NDST4: variants seen among roughly 807,000 people sequenced by gnomAD.
NDST4 encodes N-deacetylase and N-sulfotransferase 4.
In NDST4, 63 loss-of-function variants were observed where a neutral mutation model predicts 100.8. The observed-to-expected ratio is 0.62, with a 90% CI of 0.51 to 0.77. The LOEUF (loss-of-function observed/expected upper bound fraction) is 0.77, where lower values mean the gene tolerates loss of function less well. Among genes scored for constraint, NDST4 ranks in the 30% least tolerant of loss-of-function variants. The pLI, the probability that NDST4 is intolerant of heterozygous loss-of-function variation, is 0.00. For synonymous variants in NDST4, 377 were observed against 361.8 expected (o/e 1.04, Z -0.48); for missense variants, 943 against 1,018.4 (o/e 0.93, Z 1.01).
At chr4:115,065,599 CATT>C (rs141482651) in intron 2 of NDST4, among the ~76,000 whole-genome samples, 6,289 of 152,018 alleles carry the variant, frequency 0.041, 434 homozygotes, top group African/African-American at 0.14. Context: ...AAGATACAAT[CATT>C]AGTATGATTG....
At chr4:114,891,666 T>C (rs1404943086) in intron 6 of NDST4, among the ~76,000 whole-genome samples, 1 of 152,140 alleles carries the variant, frequency 6.6e-6, no homozygotes, top group Non-Finnish European at 1.5e-5. Context: ...CTTCCATCTT[T>C]GTTCTAGAAC....
chr4:115,024,684 G>C (rs1560571276), intron 2 of NDST4, among the ~76,000 whole-genome samples: 1 of 152,072 alleles, frequency 6.6e-6, no homozygotes, highest in East Asian at 1.9e-4. Flanking sequence ...TTTTAAATTG[G>C]TGCTGGAAGG....
At chr4:114,886,163 C>A (rs1724472529) in intron 6 of NDST4, among the ~76,000 whole-genome samples, 1 of 151,974 alleles carries the variant, frequency 6.6e-6, no homozygotes, top group African/African-American at 2.4e-5. Context: ...AATATATTTG[C>A]CAAAGAAAAC....
intron 6 of NDST4, among the ~76,000 whole-genome samples, chr4:114,933,432 C>CTTTTTTTTTTTTTTTTTTTCCTTT (rs1725556113): frequency 4.5e-5 from 4 of 89,278 alleles, no homozygotes; most frequent in South Asian, 3.2e-4. Context: ...TTTTCTTTTC[C>CTTTTTTTTTTTTTTTTTTTCCTTT]TTTTTTTTTT....
chr4:114,846,867 C>A (rs1174167443), intron 9 of NDST4, among the ~76,000 whole-genome samples: 2 of 152,130 alleles, frequency 1.3e-5, no homozygotes, highest in Non-Finnish European at 2.9e-5. Flanking sequence ...TCCTGCTAAA[C>A]AATTTGTGTT....
intron 2 of NDST4, among the ~76,000 whole-genome samples, chr4:115,052,855 T>C (rs986954643): frequency 4.6e-5 from 7 of 152,144 alleles, no homozygotes; most frequent in Middle Eastern, 3.2e-3. Flanking sequence ...TGAGCCTAAT[T>C]ATTAAGTACC....
At chr4:115,043,537 G>A (rs1026997453) in intron 2 of NDST4, among the ~76,000 whole-genome samples, 9 of 152,048 alleles carry the variant, frequency 5.9e-5, no homozygotes, top group Non-Finnish European at 1.0e-4. Flanking sequence ...GAGTTACATA[G>A]AGGCATCATG....
chr4:114,961,981 T>A (rs1241030925), intron 4 of NDST4, among the ~76,000 whole-genome samples: 1 of 152,036 alleles, frequency 6.6e-6, no homozygotes, highest in African/African-American at 2.4e-5. Context: ...CAAAACTGAT[T>A]ATATGCAATA....
intron 6 of NDST4, among the ~76,000 whole-genome samples, chr4:114,897,973 C>T (rs540685639): frequency 4.6e-5 from 7 of 152,040 alleles, no homozygotes; most frequent in Non-Finnish European, 1.0e-4. Context: ...ATTTGATGTG[C>T]CCTTTGCAAA....
chr4:114,867,664 G>GAAAAAAAA (rs1491405935), intron 7 of NDST4, among the ~76,000 whole-genome samples: 2 of 26,082 alleles, frequency 7.7e-5, no homozygotes, highest in African/African-American at 9.9e-5. Context: ...AAAAAAAAAA[G>GAAAAAAAA]CAAAAAAAAA....
At chr4:115,070,583 A>T (rs1378812594) in intron 2 of NDST4, among the ~76,000 whole-genome samples, 3 of 152,188 alleles carry the variant, frequency 2.0e-5, no homozygotes, top group African/African-American at 7.2e-5. Context: ...GTTTTTAGGT[A>T]TACAGTTAAA....
At chr4:114,943,559 T>C (rs1270132214) in intron 4 of NDST4, among the ~76,000 whole-genome samples, 1 of 152,194 alleles carries the variant, frequency 6.6e-6, no homozygotes, top group African/African-American at 2.4e-5. Context: ...AAACTTTCTT[T>C]ATTACATTTG....
intron 2 of NDST4, among the ~76,000 whole-genome samples, chr4:115,031,452 C>G (rs867207142): frequency 6.6e-6 from 1 of 152,074 alleles, no homozygotes; most frequent in South Asian, 2.1e-4. Flanking sequence ...CAGTAATGCC[C>G]TCTCTTCACT....
intron 4 of NDST4, among the ~76,000 whole-genome samples, chr4:114,943,417 C>A (rs1725794293): frequency 6.6e-6 from 1 of 152,136 alleles, no homozygotes; most frequent in African/African-American, 2.4e-5. Context: ...TACAAACTAC[C>A]AAACTTTGCC....
chr4:115,112,593 A>T (rs1729977329), intron 1 of NDST4, among the ~76,000 whole-genome samples: 1 of 151,974 alleles, frequency 6.6e-6, no homozygotes, highest in African/African-American at 2.4e-5. Context: ...CACTTAAAAA[A>T]ACTATGACAG....
chr4:115,099,956 G>A (rs1331620654), intron 1 of NDST4, among the ~76,000 whole-genome samples: 3 of 152,134 alleles, frequency 2.0e-5, no homozygotes, highest in African/African-American at 7.2e-5. Flanking sequence ...TGGTACATCT[G>A]TACGGTGAAA....
intron 2 of NDST4, among the ~76,000 whole-genome samples, chr4:114,989,400 C>T (rs988620510): frequency 1.3e-5 from 2 of 152,112 alleles, no homozygotes; most frequent in Admixed American, 6.5e-5. Context: ...GCCATGCTTA[C>T]CTATTCAAGA....
At chr4:114,977,095 A>G (rs1269908588) in intron 3 of NDST4, 92 bp downstream of exon 3, 9 of 757,552 alleles carry the variant, frequency 1.2e-5, no homozygotes, top group Admixed American at 8.5e-5. Flanking sequence ...CCCATAATCA[A>G]TCTGGAGAAT....
intron 2 of NDST4, among the ~76,000 whole-genome samples, chr4:114,977,531 C>G (rs766831646): frequency 6.6e-6 from 1 of 151,948 alleles, no homozygotes; most frequent in Non-Finnish European, 1.5e-5. Context: ...TCCAACTCCA[C>G]AGCACTGAAA....
Sources: gnomAD v4.1 joint callset for allele counts (sites outside exome capture counted in the v4.1 genomes callset) on GRCh38, gnomAD v4.1.1 for gene constraint, MANE v1.5 for transcripts, NCBI Gene and HGNC (gene_info 2026-07-23, HGNC 2026-07-21) for gene names.